UBE2Z: variants seen among roughly 807,000 people sequenced by gnomAD.
UBE2Z encodes the protein ubiquitin conjugating enzyme E2 Z.
UBE2Z carries 10 observed loss-of-function variants against 32.6 expected under a neutral mutation model. The ratio of observed to expected loss-of-function variants is 0.31; its 90% CI spans 0.19 to 0.52. The LOEUF (loss-of-function observed/expected upper bound fraction) is 0.52. Ranked by LOEUF, UBE2Z falls within the 20% of genes least tolerant of loss-of-function variation. The pLI is 0.97. For missense variants in UBE2Z, 343 were observed against 480.9 expected, an observed-to-expected ratio of 0.71 and a Z score of 2.68; for synonymous variants, 183 against 190.8, an observed-to-expected ratio of 0.96 and a Z score of 0.34.
intron 4 of UBE2Z, among the ~76,000 whole-genome samples, chr17:48,918,930 A>G (rs547023696): frequency 1.3e-5 from 2 of 152,040 alleles, no homozygotes; most frequent in East Asian, 3.9e-4. Flanking sequence ...TATTTGTAGT[A>G]GAGATGGGGT....
chr17:48,916,075 G>A lies in UBE2Z; in HGVS notation c.579-1G>A. The stretch of plus-strand genomic sequence containing the variant: ...CTCCATTCCTTCTGATGTGTTTACA[G>A]TACATGGACTGGACCTGCCTGGAGC... On this transcript the variant is annotated splice_acceptor_variant, in intron 3 of 6. Transcript: ENST00000360943. LOFTEE classifies it high-confidence loss of function. The A allele has an allele frequency of 1.3e-6, 2 of 1,588,362 alleles. No individual in the cohort carries two copies. The highest frequency in any genetic ancestry group is 8.5e-7 in the Non-Finnish European group (1 of 1,169,916).
Position 48,913,040 on chromosome 17 carries a change from G to T in UBE2Z, c.578+19G>T. ...TTCTAGGGTAAGAGGAGACTTTTAA[G>T]TAGCCAAGTCGGTTGTTAGCAGATA... On this transcript the variant is annotated intron_variant, in intron 3 of 6. Transcript: ENST00000360943. 6.2e-7 allele frequency: 1 copy of T among 1,610,096 alleles called. No homozygotes were observed. The highest frequency in any genetic ancestry group is 8.5e-7 in the Non-Finnish European group (1 of 1,176,676).
At chr17:48,921,391 C>T in intron 5 of UBE2Z, 119 bp downstream of exon 5, 2 of 773,266 alleles carry the variant, frequency 2.6e-6, no homozygotes, top group South Asian at 3.5e-5. Context: ...AGATGTGGTT[C>T]CTGCTTTTAA....
At chr17:48,922,745 C>T in intron 5 of UBE2Z, 102 bp from the exon 6 acceptor site, 1 of 814,414 alleles carries the variant, frequency 1.2e-6, no homozygotes, top group Non-Finnish European at 1.9e-6. Context: ...CCAACATGGG[C>T]TACAGAGCAA....
chr17:48,916,259 T>TTTTTTTTG (rs921967818), intron 4 of UBE2Z, 72 bp downstream of exon 4: 43 of 304,866 alleles, frequency 1.4e-4, no homozygotes, highest in Non-Finnish European at 1.7e-4. Context: ...GGTTTTTTTG[T>TTTTTTTTG]TTTTTTTTTT....
Position 48,916,134 on chromosome 17 carries a change from A to G in UBE2Z, c.637A>G (p.Ile213Val). ...GAGCATCTCCTCAGTGCTCATCTCT[A>G]TCCAGTCCCTGATGACTGAGAACCC... ...AQSISSVLIS[I>V]QSLMTENPYH... is the part of the protein sequence containing the mutation. Residue 213 changes from isoleucine to valine, a missense_variant, in exon 4 of 7, where the codon ATC becomes GTC. This residue lies in a region of UBE2Z where 182 missense variants were observed against 312.4 expected (regional missense o/e 0.58). Transcript: ENST00000360943. 2.5e-6 allele frequency: 4 copies of G among 1,587,500 alleles called. No homozygotes were observed. Among genetic ancestry groups the G allele is most frequent in the East Asian group, 2.4e-5 (1 of 42,286 alleles).
chr17:48,912,732 T>G, intron 2 of UBE2Z, 102 bp from the exon 3 acceptor site: 1 of 1,240,410 alleles, frequency 8.1e-7, no homozygotes, highest in South Asian at 1.3e-5. Flanking sequence ...GTGTACCAGA[T>G]TATGGACTCT....
rs1037144206 is a variant in UBE2Z at position 48,928,178 on chromosome 17, G to A, written c.*1044G>A. The A allele has an allele frequency of 1.3e-5, 2 of 152,202 alleles. No individual in the cohort carries two copies. The highest frequency in any genetic ancestry group is 2.9e-5 in the Non-Finnish European group (2 of 68,118). The allele number at this position is 152,202 out of a possible 1,614,324, so 9.4% of individuals were successfully genotyped here. ...AGCAAGGGTAGCCAATGGCAGAGGGGGTTGGGGCTGGGACTCTGGAGGCTC... is the reference window on the plus strand; with the variant it reads ...AGCAAGGGTAGCCAATGGCAGAGGGAGTTGGGGCTGGGACTCTGGAGGCTC... On this transcript the variant is annotated 3_prime_UTR_variant, in exon 7 of 7. Coordinates refer to ENST00000360943, the MANE Select transcript of UBE2Z (RefSeq NM_023079.5).
chr17:48,913,297 A>G (rs1374471448), intron 3 of UBE2Z, among the ~76,000 whole-genome samples: 1 of 152,072 alleles, frequency 6.6e-6, no homozygotes, highest in Non-Finnish European at 1.5e-5. Context: ...CTGGGGCCCT[A>G]TCTTAGACCT....
intron 2 of UBE2Z, chr17:48,912,196 C>T (rs2040684054): frequency 6.6e-6 from 1 of 152,220 alleles, no homozygotes; most frequent in African/African-American, 2.4e-5. Context: ...GTTTGATCCT[C>T]TGCAGAGGAA....
rs2040673886 is a variant in UBE2Z at position 48,911,130 on chromosome 17, G to C, written c.390+250G>C. 3 of 495,840 alleles carry C rather than the reference G, an allele frequency of 6.1e-6. No homozygotes were observed. The South Asian group carries it at 8.0e-5, about 13-fold the overall frequency. 30.7% of individuals were successfully genotyped at this position (495,840 alleles called of 1,614,324 possible). A position where few individuals can be genotyped will look rare whatever the true frequency, so the allele number is the denominator to read the frequency against. On this transcript the variant is annotated intron_variant, in intron 2 of 6. Transcript: ENST00000360943. ...ATCCCAGTTCATGTCTGTTGTCGCAGCTTGACTATTTATAGGGCATTCTTT... is the reference window on the plus strand; with the variant it reads ...ATCCCAGTTCATGTCTGTTGTCGCACCTTGACTATTTATAGGGCATTCTTT...
intron 3 of UBE2Z, among the ~76,000 whole-genome samples, chr17:48,915,231 T>G (rs1000944658): frequency 1.3e-5 from 2 of 152,072 alleles, no homozygotes; most frequent in Non-Finnish European, 2.9e-5. Flanking sequence ...TAGAGGCACT[T>G]AAGAGCAGTC....
intron 6 of UBE2Z, 112 bp downstream of exon 6, chr17:48,923,049 C>A: frequency 2.0e-6 from 2 of 981,306 alleles, no homozygotes; most frequent in Non-Finnish European, 1.5e-6. Context: ...AGCCTGGGTT[C>A]AGTGGCTCAT....
At chr17:48,914,210 T>G (rs1272374641) in intron 3 of UBE2Z, among the ~76,000 whole-genome samples, 2 of 152,178 alleles carry the variant, frequency 1.3e-5, no homozygotes, top group Non-Finnish European at 2.9e-5. Flanking sequence ...TCGCATATTT[T>G]GGATTGGTGT....
intron 6 of UBE2Z, among the ~76,000 whole-genome samples, chr17:48,923,733 C>CT (rs542975589): frequency 0.05 from 6,960 of 140,172 alleles, 185 homozygotes; most frequent in African/African-American, 0.08. Context: ...TCAGTAGCCT[C>CT]TTTTTTTTTT....
At position 48,926,956 on chromosome 17, in the gene UBE2Z, C is replaced by T. The variant is rs918461216; in HGVS notation, c.895-8C>T. 1.9e-6 allele frequency: 3 copies of T among 1,610,050 alleles called. No individual in the cohort carries two copies. Among genetic ancestry groups the T allele is most frequent in the Non-Finnish European group, 2.5e-6 (3 of 1,178,060 alleles). ...AATCTTCCATCCCCTTGTCTCCTTTCCCCACAGGACCCTTTTGGAGAGAAG... is the reference window on the plus strand; with the variant it reads ...AATCTTCCATCCCCTTGTCTCCTTTTCCCACAGGACCCTTTTGGAGAGAAG... On this transcript the variant is annotated splice_region_variant and splice_polypyrimidine_tract_variant and intron_variant, in intron 6 of 6. Coordinates refer to ENST00000360943, the MANE Select transcript of UBE2Z (RefSeq NM_023079.5).
intron 4 of UBE2Z, among the ~76,000 whole-genome samples, chr17:48,918,919 G>T (rs2040740192): frequency 6.6e-6 from 1 of 151,800 alleles, no homozygotes; most frequent in African/African-American, 2.4e-5. Flanking sequence ...GCTAATTTTT[G>T]TATTTGTAGT....
Position 48,908,474 on chromosome 17 carries a change from C to T in UBE2Z, c.-30C>T, listed in dbSNP as rs1325601118. ...GCGGCCGCTCTGGTCGGCGGACGTGCTGCCGAGTAGTCCCGGAAGCGAAGC... is the reference window on the plus strand; with the variant it reads ...GCGGCCGCTCTGGTCGGCGGACGTGTTGCCGAGTAGTCCCGGAAGCGAAGC... On this transcript the variant is annotated 5_prime_UTR_variant, in exon 1 of 7. Coordinates refer to ENST00000360943, the MANE Select transcript of UBE2Z (RefSeq NM_023079.5). The T allele has an allele frequency of 5.0e-5, 62 of 1,230,064 alleles. No homozygotes were observed. The highest frequency in any genetic ancestry group is 6.0e-5 in the Non-Finnish European group (59 of 986,526). 76.2% of individuals were successfully genotyped at this position (1,230,064 alleles called of 1,614,324 possible). A position where few individuals can be genotyped will look rare whatever the true frequency, so the allele number is the denominator to read the frequency against.
rs150636167 is a variant in UBE2Z, at chr17:48,913,648, C to T, written c.578+627C>T. On this transcript the variant is annotated intron_variant, in intron 3 of 6. Transcript: ENST00000360943. ...GATTAGAGGCATGAGCCACCGTGCC[C>T]GGCCCAGAAATCTGTTTTTTACAAG... 5.5e-4 allele frequency among the ~76,000 whole-genome samples: 83 copies of T among 152,146 alleles called. 1 individual carries two copies. Among genetic ancestry groups the T allele is most frequent in the Admixed American group, 7.9e-4 (12 of 15,266 alleles).
Sources: gnomAD v4.1 joint callset for allele counts (sites outside exome capture counted in the v4.1 genomes callset) on GRCh38, gnomAD v4.1.1 for gene constraint, gnomAD v4.1.1 regional missense constraint, MANE v1.5 for transcripts, NCBI Gene and HGNC (gene_info 2026-07-23, HGNC 2026-07-21) for gene names.